Variants in BICRA observed in about 807,000 individuals in gnomAD.
BICRA encodes BRD4-interacting chromatin-remodeling complex-associated protein.
Under a neutral mutation model 96.9 loss-of-function variants are expected in BICRA, and 31 were observed. That is an observed-to-expected ratio of 0.32 (90% confidence interval 0.24 to 0.43). The LOEUF (loss-of-function observed/expected upper bound fraction) is 0.43. BICRA is among the 20% of genes least tolerant of loss of function. BICRA has a pLI of 1.00. For synonymous variants in BICRA, 1,350 were observed against 1,071.8 expected, an observed-to-expected ratio of 1.26 and a Z score of -5.07; for missense variants, 2,283 against 2,190.3, an observed-to-expected ratio of 1.04 and a Z score of -0.84.
At chr19:47,609,850 C>A (rs1971871544) in intron 1 of BICRA, among the ~76,000 whole-genome samples, 1 of 152,034 alleles carries the variant, frequency 6.6e-6, no homozygotes, top group South Asian at 2.1e-4. Flanking sequence ...CCCCCCTTCG[C>A]ACCGCCCCTA....
chr19:47,700,101 G>A (rs1035318345), intron 14 of BICRA: 1 of 152,418 alleles, frequency 6.6e-6, no homozygotes, highest in Non-Finnish European at 1.5e-5. Flanking sequence ...GGGTAGTTCC[G>A]TGGTTAGGGG....
At chr19:47,612,466 T>A (rs1971922825) in intron 1 of BICRA, among the ~76,000 whole-genome samples, 1 of 151,912 alleles carries the variant, frequency 6.6e-6, no homozygotes, top group Admixed American at 6.6e-5. Flanking sequence ...GCAGAATACC[T>A]TTGCCCCAGA....
intron 1 of BICRA, among the ~76,000 whole-genome samples, chr19:47,625,687 G>T (rs148991597): frequency 6.6e-6 from 1 of 152,294 alleles, no homozygotes; most frequent in East Asian, 1.9e-4. Context: ...TTCTGGAAGA[G>T]CCTGGAGGAG....
At chr19:47,625,645 TAGG>T (rs1972129250) in intron 1 of BICRA, among the ~76,000 whole-genome samples, 1 of 151,872 alleles carries the variant, frequency 6.6e-6, no homozygotes, top group Admixed American at 6.6e-5. Flanking sequence ...GTTGGAGGCT[TAGG>T]AGAGAAAAGG....
At chr19:47,693,531 G>A (rs1388761087) in intron 7 of BICRA, among the ~76,000 whole-genome samples, 1 of 152,224 alleles carries the variant, frequency 6.6e-6, no homozygotes, top group Admixed American at 6.5e-5. Context: ...GCCTGTCCCT[G>A]TGTGGCCATC....
chr19:47,679,682 G>C lies in BICRA; in HGVS notation c.512G>C (p.Gly171Ala). ...PGSTDLLGLQ[G>A]PPTVLTHQAL... ...AGCACCGACCTGCTGGGGCTGCAGG[G>C]CCCGCCTACCGTGCTGACCCACCAG... Residue 171 changes from glycine to alanine, a missense_variant, in exon 6 of 15, where the codon GGC becomes GCC. By Grantham distance (60) the Gly-to-Ala change is moderately conservative. Coordinates refer to ENST00000594866, the MANE Select transcript of BICRA (RefSeq NM_001394372.1). 6.6e-7 allele frequency: 1 copy of C among 1,523,298 alleles called. No individual in the cohort carries two copies. The highest frequency in any genetic ancestry group is 8.8e-7 in the Non-Finnish European group (1 of 1,137,550). The allele number at this position is 1,523,298 out of a possible 1,614,324, so 94.4% of individuals were successfully genotyped here. A position where few individuals can be genotyped will look rare whatever the true frequency, so the allele number is the denominator to read the frequency against.
chr19:47,694,296 G>GGC lies in BICRA; in HGVS notation c.2465_2466insGC (p.Cys822TrpfsTer21). On this transcript the variant is annotated frameshift_variant, in exon 8 of 15. Coordinates refer to ENST00000594866, the MANE Select transcript of BICRA (RefSeq NM_001394372.1). LOFTEE classifies it high-confidence loss of function. ...CCCTCAGAGCCACCCTTGCACCCTTGCCCCCCACCCCAGGCCCCCCCAACT... is the reference window on the plus strand; with the variant it reads ...CCCTCAGAGCCACCCTTGCACCCTTGGCCCCCCCACCCCAGGCCCCCCCAACT... The GGC allele has an allele frequency of 3.2e-6, 2 of 628,892 alleles. No homozygotes were observed. The highest frequency in any genetic ancestry group is 2.5e-6 in the Non-Finnish European group (1 of 407,374). 39.0% of individuals were successfully genotyped at this position (628,892 alleles called of 1,614,324 possible). A position where few individuals can be genotyped will look rare whatever the true frequency, so the allele number is the denominator to read the frequency against.
At chr19:47,633,474 A>G (rs1211298073) in intron 1 of BICRA, among the ~76,000 whole-genome samples, 1 of 152,078 alleles carries the variant, frequency 6.6e-6, no homozygotes, top group Non-Finnish European at 1.5e-5. Context: ...AAGTACTGTA[A>G]TTACAGACGT....
chr19:47,659,727 C>CACGT (rs1972676058), intron 1 of BICRA, among the ~76,000 whole-genome samples: 1 of 137,186 alleles, frequency 7.3e-6, no homozygotes, highest in Non-Finnish European at 1.6e-5. Context: ...CACACACACA[C>CACGT]ACACACGTTC....
chr19:47,682,192 C>T (rs1408655985), intron 7 of BICRA, 40 bp downstream of exon 7: 3 of 878,744 alleles, frequency 3.4e-6, no homozygotes, highest in African/African-American at 1.7e-5. Flanking sequence ...AGCACAGACC[C>T]AGCCTCGCCC....
chr19:47,646,517 C>A (rs934073840), intron 1 of BICRA, among the ~76,000 whole-genome samples: 3 of 152,162 alleles, frequency 2.0e-5, no homozygotes, highest in African/African-American at 7.2e-5. Flanking sequence ...ACTTTTTGAG[C>A]CTTAGCCCGG....
intron 1 of BICRA, among the ~76,000 whole-genome samples, chr19:47,642,695 C>A (rs1276296306): frequency 6.6e-6 from 1 of 151,904 alleles, no homozygotes; most frequent in African/African-American, 2.4e-5. Flanking sequence ...AAGTGAGACC[C>A]TGTCTCAAAA....
chr19:47,623,746 TG>T (rs2123513431), intron 1 of BICRA, among the ~76,000 whole-genome samples: 1 of 151,584 alleles, frequency 6.6e-6, no homozygotes, highest in Non-Finnish European at 1.5e-5. Flanking sequence ...GGGCAGGCTT[TG>T]GGGCTTGGGG....
rs1322951324 is a variant in BICRA, at chr19:47,680,009, T to C, written c.839T>C (p.Val280Ala). 2.0e-6 allele frequency: 3 copies of C among 1,499,876 alleles called. No individual in the cohort carries two copies. The highest frequency in any genetic ancestry group is 2.6e-6 in the Non-Finnish European group (3 of 1,135,100). 92.9% of individuals were successfully genotyped at this position (1,499,876 alleles called of 1,614,324 possible). Residue 280 changes from valine (V) to alanine (A), a missense_variant, in exon 6 of 15, where the codon GTC (valine) becomes GCC (alanine). Transcript: ENST00000594866. ...SEPVTLASAG[V>A]SPQGAGLVIQ... ...CCCGTGACGCTGGCGTCGGCCGGTG[T>C]CTCGCCACAGGGGGCTGGCCTGGTC... is the stretch of plus-strand genomic sequence containing the variant.
chr19:47,697,163 T>C (rs530765889), intron 11 of BICRA, among the ~76,000 whole-genome samples: 1 of 151,660 alleles, frequency 6.6e-6, no homozygotes. Flanking sequence ...TCTGCCACCA[T>C]GCTCGGCTAA....
In BICRA at chr19:47,695,602, G is replaced by C. The variant is rs1158491157; in HGVS notation, c.3186+128G>C. ...ATGAAGCTGGGACCATCAGGCAGCT[G>C]AGACACCACGAACAGCCGTGCAGGG... On this transcript the variant is annotated intron_variant, in intron 10 of 14. Coordinates refer to ENST00000594866, the MANE Select transcript of BICRA (RefSeq NM_001394372.1). The C allele has an allele frequency of 6.5e-6, 4 of 619,896 alleles. No homozygotes were observed. In the Admixed American group the frequency reaches 1.1e-4, roughly 17 times the overall value. The allele number at this position is 619,896 out of a possible 1,614,324, so 38.4% of individuals were successfully genotyped here.
Position 47,702,273 on chromosome 19 carries a change from C to T in BICRA, c.4541C>T (p.Ala1514Val). The T allele has an allele frequency of 6.3e-7, 1 of 1,594,980 alleles. No homozygotes were observed. The highest frequency in any genetic ancestry group is 8.5e-7 in the Non-Finnish European group (1 of 1,176,166). Residue 1514 changes from alanine to valine, a missense_variant, in exon 15 of 15, where the codon GCC becomes GTC. Physicochemically the swap from Ala to Val is moderately conservative, Grantham distance 64. Transcript: ENST00000594866. Reference protein sequence around the residue: ...AIDSILNLQQAPGRTPAPSYP... With the variant: ...AIDSILNLQQVPGRTPAPSYP... ...GACAGCATCCTGAACCTGCAGCAGG[C>T]CCCCGGCCGGACGCCCGCGCCCTCG...
intron 1 of BICRA, among the ~76,000 whole-genome samples, chr19:47,610,478 G>A (rs1481431970): frequency 2.0e-5 from 3 of 152,134 alleles, no homozygotes; most frequent in African/African-American, 7.2e-5. Flanking sequence ...CCCGGGAGGT[G>A]GGGTCAGAGG....
At chr19:47,619,183 T>TATATATATGTATATATAC in intron 1 of BICRA, among the ~76,000 whole-genome samples, 1 of 68,398 alleles carries the variant, frequency 1.5e-5, no homozygotes, top group Non-Finnish European at 2.9e-5. Flanking sequence ...GGACAGTGTA[T>TATATATATGTATATATAC]ATATATATGT....
Sources: allele counts gnomAD v4.1 joint callset (sites outside exome capture counted in the v4.1 genomes callset), GRCh38; gene constraint gnomAD v4.1.1; transcripts MANE v1.5; gene names NCBI Gene and HGNC (gene_info 2026-07-23, HGNC 2026-07-21).